FBXO32: variants seen among roughly 807,000 people sequenced by gnomAD.
FBXO32 encodes F-box protein 32.
Under a neutral mutation model 48.3 loss-of-function variants are expected in FBXO32, and 15 were observed. The ratio of observed to expected loss-of-function variants is 0.31; its 90% CI spans 0.21 to 0.48. FBXO32 has a LOEUF of 0.48. Among genes scored for constraint, FBXO32 ranks in the 20% least tolerant of loss-of-function variants. FBXO32 has a pLI of 0.99. For missense variants in FBXO32, 309 were observed against 432.7 expected, an observed-to-expected ratio of 0.71 and a Z score of 2.54; for synonymous variants, 154 against 165.9, an observed-to-expected ratio of 0.93 and a Z score of 0.55.
chr8:123,516,763 GA>G (rs774086759), intron 4 of FBXO32, among the ~76,000 whole-genome samples: 78 of 152,088 alleles, frequency 5.1e-4, no homozygotes, highest in Non-Finnish European at 9.0e-4. Flanking sequence ...CACATGCAGG[GA>G]GAGATGAGGC....
intron 6 of FBXO32, among the ~76,000 whole-genome samples, chr8:123,511,480 G>GTTT (rs755817254): frequency 7.1e-6 from 1 of 139,990 alleles, no homozygotes; most frequent in Non-Finnish European, 1.6e-5. Flanking sequence ...GAGGTTTTTT[G>GTTT]TTTTTTTTTT....
chr8:123,525,042 G>C lies in FBXO32; in HGVS notation c.372+6856C>G, dbSNP rs2130540981. Among the ~76,000 whole-genome samples, 1 of 152,342 alleles carries C rather than the reference G, an allele frequency of 6.6e-6. No homozygotes were observed. Among genetic ancestry groups the C allele is most frequent in the Admixed American group, 6.5e-5 (1 of 15,300 alleles). ...GGCCAGGATGCTGATGCACATCAAG[G>C]CCCAGCAGGGGCTTGGCAACAGCAT... On this transcript the variant is annotated intron_variant, in intron 4 of 8. Coordinates refer to ENST00000517956, the MANE Select transcript of FBXO32 (RefSeq NM_058229.4). The surrounding 1 kb of genome is among the most constrained non-coding windows in gnomAD (Gnocchi z 4.3).
intron 4 of FBXO32, among the ~76,000 whole-genome samples, chr8:123,516,080 C>T (rs1816833503): frequency 6.6e-6 from 1 of 152,188 alleles, no homozygotes. Flanking sequence ...CTAGTTTAAT[C>T]CACTTAACAG....
chr8:123,521,507 A>AT (rs1816954934), intron 4 of FBXO32, among the ~76,000 whole-genome samples: 1 of 152,178 alleles, frequency 6.6e-6, no homozygotes, highest in Admixed American at 6.5e-5. Context: ...TATCTCAAAC[A>AT]CTTTCCAGAA....
chr8:123,526,608 A>G (rs1817082462), intron 4 of FBXO32, among the ~76,000 whole-genome samples: 1 of 152,108 alleles, frequency 6.6e-6, no homozygotes, highest in African/African-American at 2.4e-5. Context: ...AACAGACCTT[A>G]CAGCTGCCTA....
chr8:123,531,584 G>A (rs530539797), intron 4 of FBXO32, among the ~76,000 whole-genome samples: 3 of 152,218 alleles, frequency 2.0e-5, no homozygotes, highest in Non-Finnish European at 2.9e-5. Flanking sequence ...ATGTTCCCAC[G>A]TATCCACAGG....
In FBXO32 at chr8:123,513,057, C is replaced by A. The variant is rs371188081; in HGVS notation, c.651+141G>T. On this transcript the variant is annotated intron_variant, in intron 6 of 8. Coordinates refer to ENST00000517956, the MANE Select transcript of FBXO32 (RefSeq NM_058229.4). This position sits in a 1 kb window ranked among gnomAD's most constrained non-coding sequence, Gnocchi z 4.3. ...CTTTATCAGGAGGTCCCCCAGCCCA[C>A]CCTCAGCACCAGAACAAAGCAGCAG... 2.6e-4 allele frequency: 241 copies of A among 927,486 alleles called. No individual in the cohort carries two copies. The highest frequency in any genetic ancestry group is 8.7e-4 in the South Asian group (47 of 54,330). The allele number at this position is 927,486 out of a possible 1,614,324, so 57.5% of individuals were successfully genotyped here.
intron 4 of FBXO32, among the ~76,000 whole-genome samples, chr8:123,514,631 C>T (rs1816801599): frequency 6.6e-6 from 1 of 152,124 alleles, no homozygotes; most frequent in African/African-American, 2.4e-5. Flanking sequence ...GCTGACGTAC[C>T]CTGAAGGGAA....
At chr8:123,515,645 G>A (rs1188824264) in intron 4 of FBXO32, among the ~76,000 whole-genome samples, 1 of 152,114 alleles carries the variant, frequency 6.6e-6, no homozygotes, top group Non-Finnish European at 1.5e-5. Context: ...TGCGTACTTA[G>A]TCCAATCTTT....
intron 6 of FBXO32, among the ~76,000 whole-genome samples, chr8:123,507,312 C>A (rs1816646510): frequency 6.6e-6 from 1 of 152,196 alleles, no homozygotes; most frequent in African/African-American, 2.4e-5. Flanking sequence ...TCTTTTTTCA[C>A]TACTGTGTCC....
In FBXO32 at chr8:123,506,788, T is replaced by C. The variant is rs1003174215; in HGVS notation, c.652-214A>G. On this transcript the variant is annotated intron_variant, in intron 6 of 8. Coordinates refer to ENST00000517956, the MANE Select transcript of FBXO32 (RefSeq NM_058229.4). The surrounding 1 kb of genome is among the most constrained non-coding windows in gnomAD (Gnocchi z 4.0). ...GTGTGGAGTGCGCTGAGCTGAGTGG[T>C]GCCAGAGGGATCGCCCTACATTTCC... Among the ~76,000 whole-genome samples the C allele has an allele frequency of 1.3e-5, 2 of 152,174 alleles. No homozygotes were observed. The highest frequency in any genetic ancestry group is 4.8e-5 in the African/African-American group (2 of 41,444).
chr8:123,528,413 G>A (rs2130547323), intron 4 of FBXO32, among the ~76,000 whole-genome samples: 1 of 152,264 alleles, frequency 6.6e-6, no homozygotes, highest in Middle Eastern at 3.4e-3. Flanking sequence ...GTTCCTCAAG[G>A]GAATTTCCAA....
In FBXO32 at chr8:123,525,730, A is replaced by C. The variant is rs1024844091; in HGVS notation, c.372+6168T>G. 1.3e-5 allele frequency among the ~76,000 whole-genome samples: 2 copies of C among 151,976 alleles called. No individual in the cohort carries two copies. Among genetic ancestry groups the C allele is most frequent in the African/African-American group, 2.4e-5 (1 of 41,340 alleles). ...CCAGTTCCCTGGCCTCTGCTTCCTC[A>C]CCTCTAAAATGGGTTAACAACATCT... is the stretch of plus-strand genomic sequence containing the variant. On this transcript the variant is annotated intron_variant, in intron 4 of 8. Coordinates refer to ENST00000517956, the MANE Select transcript of FBXO32 (RefSeq NM_058229.4). The surrounding 1 kb of genome is among the most constrained non-coding windows in gnomAD (Gnocchi z 4.3).
chr8:123,530,497 A>C (rs1203129036), intron 4 of FBXO32, among the ~76,000 whole-genome samples: 2 of 152,222 alleles, frequency 1.3e-5, no homozygotes, highest in East Asian at 3.9e-4. Flanking sequence ...ACAAAAATAC[A>C]CAAGGGAGCT....
chr8:123,522,352 G>T (rs1250524267), intron 4 of FBXO32, among the ~76,000 whole-genome samples: 1 of 151,810 alleles, frequency 6.6e-6, no homozygotes, highest in African/African-American at 2.4e-5. Context: ...GGGACTACAA[G>T]TGCCTGCCAC....
At position 123,513,093 on chromosome 8, in the gene FBXO32, AC is replaced by A; in HGVS notation, c.651+104del. The A allele has an allele frequency of 2.4e-6, 3 of 1,239,246 alleles. No homozygotes were observed. The Admixed American group carries it at 6.1e-5, about 25-fold the overall frequency. 76.8% of individuals were successfully genotyped at this position (1,239,246 alleles called of 1,614,324 possible). Reference sequence around the variant, plus strand: ...AGAACAAAGCAGCAGATCAGAAAAGACCAGACTCTTCCGTCACAGGAGTGAA... The same window carrying A: ...AGAACAAAGCAGCAGATCAGAAAAGACAGACTCTTCCGTCACAGGAGTGAA... On this transcript the variant is annotated intron_variant, in intron 6 of 8. Coordinates refer to ENST00000517956, the MANE Select transcript of FBXO32 (RefSeq NM_058229.4). The surrounding 1 kb of genome is among the most constrained non-coding windows in gnomAD (Gnocchi z 4.3).
intron 6 of FBXO32, among the ~76,000 whole-genome samples, chr8:123,510,838 A>G (rs1816720959): frequency 6.6e-6 from 1 of 152,230 alleles, no homozygotes; most frequent in Non-Finnish European, 1.5e-5. Flanking sequence ...TTATAAGCCC[A>G]TGGACAGAGA....
At position 123,501,277 on chromosome 8, in the gene FBXO32, T is replaced by TGACA. The variant is rs1816477452; in HGVS notation, c.*2092_*2095dup. On this transcript the variant is annotated 3_prime_UTR_variant, in exon 9 of 9. Transcript: ENST00000517956. The stretch of plus-strand genomic sequence containing the variant: ...GGAAGCTGAGAAATTGGAGAGAACC[T>TGACA]GACAATTATAGAAGAAGTAGCTTTT... 6.6e-6 allele frequency: 1 copy of TGACA among 151,304 alleles called. No homozygotes were observed. Among genetic ancestry groups the TGACA allele is most frequent in the East Asian group, 1.9e-4 (1 of 5,164 alleles). 9.4% of individuals were successfully genotyped at this position (151,304 alleles called of 1,614,324 possible).
intron 4 of FBXO32, among the ~76,000 whole-genome samples, chr8:123,521,554 C>T (rs1163739646): frequency 6.6e-6 from 1 of 152,214 alleles, no homozygotes; most frequent in East Asian, 1.9e-4. Flanking sequence ...ACAGTAAACA[C>T]TTGGGCTTTC....
Sources: gnomAD v4.1 joint callset for allele counts (sites outside exome capture counted in the v4.1 genomes callset) on GRCh38, gnomAD v4.1.1 for gene constraint, Gnocchi (gnomAD v3.1) non-coding constraint, MANE v1.5 for transcripts, NCBI Gene and HGNC (gene_info 2026-07-23, HGNC 2026-07-21) for gene names.